GDI2: variants seen among roughly 807,000 people sequenced by gnomAD.
The protein encoded by GDI2 is rab GDP dissociation inhibitor beta.
Under a neutral mutation model 54.2 loss-of-function variants are expected in GDI2, and 22 were observed. The observed-to-expected ratio is 0.41, with a 90% confidence interval of 0.29 to 0.58. The LOEUF (loss-of-function observed/expected upper bound fraction) is 0.58, where lower values mean the gene tolerates loss of function less well. Among genes scored for constraint, GDI2 ranks in the 20% least tolerant of loss-of-function variants. The pLI, the probability that GDI2 is intolerant of heterozygous loss-of-function variation, is 0.35. For missense variants in GDI2, 422 were observed against 546.0 expected (o/e 0.77, Z 2.26); for synonymous variants, 177 against 182.1 (o/e 0.97, Z 0.23).
chr10:5,767,960 C>T (rs778877976), intron 8 of GDI2, among the ~76,000 whole-genome samples: 5 of 152,144 alleles, frequency 3.3e-5, no homozygotes, highest in Admixed American at 6.5e-5. Flanking sequence ...AGCTGGGAGA[C>T]GCAGGGTTCA....
At position 5,776,870 on chromosome 10, in the gene GDI2, G is replaced by A; in HGVS notation, c.720-2929C>T. On this transcript the variant is annotated intron_variant, in intron 6 of 10. Coordinates refer to ENST00000380191, the MANE Select transcript of GDI2 (RefSeq NM_001494.4). The surrounding 1 kb of genome is among the most constrained non-coding windows in gnomAD (Gnocchi z 5.3). ...GGATTTATGAATAATTAAAATGGAA[G>A]GCCAGAGAAGAGGGGAGAAGAGGAA... 1.8e-6 allele frequency: 2 copies of A among 1,115,622 alleles called. No homozygotes were observed. The highest frequency in any genetic ancestry group is 1.6e-5 in the African/African-American group (1 of 63,306). The allele number at this position is 1,115,622 out of a possible 1,614,324, so 69.1% of individuals were successfully genotyped here.
chr10:5,785,485 C>T (rs1028492906), intron 5 of GDI2, among the ~76,000 whole-genome samples: 1 of 152,158 alleles, frequency 6.6e-6, no homozygotes, highest in Non-Finnish European at 1.5e-5. Flanking sequence ...AGTGATTCTT[C>T]TGCCTCAGCC....
rs1343906684 is a variant in GDI2 at position 5,765,844 on chromosome 10, CAAGTT to C, written c.*157_*161del. The C allele has an allele frequency of 3.3e-5, 18 of 543,644 alleles. No individual in the cohort carries two copies. In the South Asian group the frequency reaches 3.9e-4, roughly 12 times the overall value. The allele number at this position is 543,644 out of a possible 1,614,324, so 33.7% of individuals were successfully genotyped here. A position where few individuals can be genotyped will look rare whatever the true frequency, so the allele number is the denominator to read the frequency against. ...ATGCTGAATAGCCACTCCATGAAAA[CAAGTT>C]AATAATTAGAAAGGTGAAGGGGAGT... On this transcript the variant is annotated 3_prime_UTR_variant, in exon 11 of 11. Transcript: ENST00000380191.
intron 6 of GDI2, among the ~76,000 whole-genome samples, chr10:5,775,062 C>T (rs533879642): frequency 1.3e-5 from 2 of 152,320 alleles, no homozygotes; most frequent in Admixed American, 6.5e-5. Context: ...CCGAGGCCAG[C>T]AGATGGCTTG....
intron 6 of GDI2, 53 bp downstream of exon 6, chr10:5,785,089 T>G: frequency 2.3e-6 from 3 of 1,309,404 alleles, no homozygotes; most frequent in Non-Finnish European, 3.2e-6. Flanking sequence ...CATATACACA[T>G]TATGTTGAAG....
intron 7 of GDI2, among the ~76,000 whole-genome samples, chr10:5,771,669 C>T (rs989399788): frequency 7.9e-5 from 12 of 152,200 alleles, no homozygotes; most frequent in African/African-American, 2.9e-4. Context: ...CTAAGAAAAA[C>T]TTGAATTGCA....
chr10:5,794,074 G>C (rs897489431), intron 4 of GDI2, among the ~76,000 whole-genome samples: 2 of 150,564 alleles, frequency 1.3e-5, no homozygotes, highest in East Asian at 3.9e-4. Flanking sequence ...TGAGGCAGGA[G>C]AATCGCTTGA....
chr10:5,799,802 T>C (rs367603232), intron 2 of GDI2, among the ~76,000 whole-genome samples: 2 of 152,358 alleles, frequency 1.3e-5, no homozygotes, highest in African/African-American at 4.8e-5. Flanking sequence ...TCTTAGCAGA[T>C]GAATGCTGAA....
At chr10:5,794,122 G>A (rs1363541986) in intron 4 of GDI2, among the ~76,000 whole-genome samples, 2 of 143,472 alleles carry the variant, frequency 1.4e-5, no homozygotes, top group Admixed American at 7.2e-5. Flanking sequence ...CTCTGAGATC[G>A]CGCCATCACA....
At chr10:5,794,188 A>AAAAAAAAAAAAAAATATAT (rs1448053813) in intron 4 of GDI2, among the ~76,000 whole-genome samples, 1 of 40,340 alleles carries the variant, frequency 2.5e-5, no homozygotes, top group Non-Finnish European at 4.2e-5. Flanking sequence ...AAAAAAAAAA[A>AAAAAAAAAAAAAAATATAT]ATATATATAT....
intron 2 of GDI2, among the ~76,000 whole-genome samples, chr10:5,797,374 A>G (rs920089099): frequency 6.6e-6 from 1 of 152,000 alleles, no homozygotes; most frequent in African/African-American, 2.4e-5. Flanking sequence ...GTGAAACCCC[A>G]TCTCTACTGA....
chr10:5,800,757 A>G (rs1314743638), intron 1 of GDI2, 52 bp from the exon 2 acceptor site: 2 of 899,678 alleles, frequency 2.2e-6, no homozygotes, highest in African/African-American at 1.6e-5. Flanking sequence ...CATATTTAAA[A>G]CAGATCATTT....
rs141126733 is a variant in GDI2, at chr10:5,772,912, A to G, written c.819+930T>C. 2.1e-3 allele frequency among the ~76,000 whole-genome samples: 318 copies of G among 152,220 alleles called. 1 individual carries two copies. The highest frequency in any genetic ancestry group is 7.1e-3 in the African/African-American group (296 of 41,548). On this transcript the variant is annotated intron_variant, in intron 7 of 10. Transcript: ENST00000380191. ...CCAATTCTACCTCAGCCATTCATTAAACTGTGTGCCCTTGTAGATGTTTCT... is the reference window on the plus strand; with the variant it reads ...CCAATTCTACCTCAGCCATTCATTAGACTGTGTGCCCTTGTAGATGTTTCT...
rs1840327680 is a variant in GDI2 at position 5,766,231 on chromosome 10, C to A, written c.1191+10G>T. The stretch of plus-strand genomic sequence containing the variant: ...AACCTGCCCATATCCTTTCACACTT[C>A]CATACTCACCTGGCTTTCTGTTCCC... On this transcript the variant is annotated intron_variant, in intron 10 of 10. Coordinates refer to ENST00000380191, the MANE Select transcript of GDI2 (RefSeq NM_001494.4). This position sits in a 1 kb window ranked among gnomAD's most constrained non-coding sequence, Gnocchi z 5.8. The A allele has an allele frequency of 6.2e-7, 1 of 1,612,246 alleles. No homozygotes were observed. The highest frequency in any genetic ancestry group is 1.3e-5 in the African/African-American group (1 of 75,018).
intron 2 of GDI2, among the ~76,000 whole-genome samples, chr10:5,798,157 A>G (rs991719943): frequency 8.5e-5 from 13 of 152,222 alleles, no homozygotes; most frequent in Non-Finnish European, 1.6e-4. Flanking sequence ...AGAATACTCA[A>G]ATTAATTTAT....
intron 1 of GDI2, among the ~76,000 whole-genome samples, chr10:5,810,070 A>T (rs1158576627): frequency 6.6e-6 from 1 of 152,258 alleles, no homozygotes; most frequent in Non-Finnish European, 1.5e-5. Context: ...TCAAAGATTA[A>T]GCAAATCCAA....
At position 5,812,598 on chromosome 10, in the gene GDI2, G is replaced by A. The variant is rs555158155; in HGVS notation, c.45+616C>T. The stretch of plus-strand genomic sequence containing the variant: ...GATGCTCAGTAAGTGAGAAGGGAGG[G>A]TGGCTAAAAGGATTCAATAATACTT... On this transcript the variant is annotated intron_variant, in intron 1 of 10. Transcript: ENST00000380191. Among the ~76,000 whole-genome samples the A allele has an allele frequency of 6.6e-4, 100 of 152,312 alleles. No homozygotes were observed. The Middle Eastern group carries it at 0.024, about 36-fold the overall frequency.
chr10:5,801,491 A>G (rs1158987695), intron 1 of GDI2, among the ~76,000 whole-genome samples: 1 of 151,938 alleles, frequency 6.6e-6, no homozygotes, highest in Admixed American at 6.5e-5. Context: ...AGCCTCACCA[A>G]CATGGAGAAA....
chr10:5,794,754 C>G, intron 4 of GDI2, 131 bp downstream of exon 4: 1 of 681,634 alleles, frequency 1.5e-6, no homozygotes, highest in Non-Finnish European at 2.6e-6. Context: ...CTGCCTAGAA[C>G]AGTGTCTGGC....
Sources: gnomAD v4.1 joint callset for allele counts (sites outside exome capture counted in the v4.1 genomes callset) on GRCh38, gnomAD v4.1.1 for gene constraint, Gnocchi (gnomAD v3.1) non-coding constraint, MANE v1.5 for transcripts, NCBI Gene and HGNC (gene_info 2026-07-23, HGNC 2026-07-21) for gene names.